The following IQGAP2 variants were observed in gnomAD, a reference collection of about 807,000 sequenced individuals.
IQGAP2 encodes IQ motif containing GTPase activating protein 2.
Under a neutral mutation model 201.3 loss-of-function variants are expected in IQGAP2, and 173 were observed. That is an observed-to-expected ratio of 0.86 (90% confidence interval 0.76 to 0.98). The LOEUF is 0.98. Ranked by LOEUF, IQGAP2 falls within the 50% of genes least tolerant of loss-of-function variation. The probability of loss-of-function intolerance (pLI) is 0.00; values close to 1 mark genes in which losing one functional copy is unlikely to be tolerated. For missense variants in IQGAP2, 1,687 were observed against 1,864.8 expected, an observed-to-expected ratio of 0.90 and a Z score of 1.76; for synonymous variants, 675 against 673.9, an observed-to-expected ratio of 1.00 and a Z score of -0.03.
chr5:76,656,778 A>G (rs1742775118), intron 20 of IQGAP2, among the ~76,000 whole-genome samples: 1 of 152,038 alleles, frequency 6.6e-6, no homozygotes, highest in African/African-American at 2.4e-5. Context: ...AGTGAGTTAG[A>G]TCTAAGCTTC....
At chr5:76,624,070 A>T (rs1381277294) in intron 13 of IQGAP2, among the ~76,000 whole-genome samples, 5 of 151,212 alleles carry the variant, frequency 3.3e-5, no homozygotes, top group African/African-American at 4.9e-5. Context: ...GAAAATGAGG[A>T]CTCCCTTTAT....
chr5:76,677,188 C>A, intron 27 of IQGAP2, 30 bp from the exon 28 acceptor site: 1 of 1,597,656 alleles, frequency 6.3e-7, no homozygotes, highest in Non-Finnish European at 8.5e-7. Flanking sequence ...ATGTTTGAGT[C>A]TGTCTTAAGA....
chr5:76,550,457 T>C (rs892337408), intron 2 of IQGAP2, among the ~76,000 whole-genome samples: 1 of 151,152 alleles, frequency 6.6e-6, no homozygotes, highest in African/African-American at 2.4e-5. Flanking sequence ...CAGATAAACA[T>C]GTGAACAAGG....
At chr5:76,426,441 G>A (rs970809309) in intron 1 of IQGAP2, among the ~76,000 whole-genome samples, 4 of 152,188 alleles carry the variant, frequency 2.6e-5, no homozygotes, top group Admixed American at 2.0e-4. Flanking sequence ...GGAGCAGAAG[G>A]GAAACCAAAC....
In IQGAP2 at chr5:76,589,569, T is replaced by C; in HGVS notation, c.527-46T>C. 5.5e-6 allele frequency: 6 copies of C among 1,083,446 alleles called. No homozygotes were observed. The South Asian group carries it at 8.9e-5, about 16-fold the overall frequency. 67.1% of individuals were successfully genotyped at this position (1,083,446 alleles called of 1,614,324 possible). A position where few individuals can be genotyped will look rare whatever the true frequency, so the allele number is the denominator to read the frequency against. On this transcript the variant is annotated intron_variant, in intron 6 of 35. Coordinates refer to ENST00000274364, the MANE Select transcript of IQGAP2 (RefSeq NM_006633.5). ...ACTCATTCCTGCATCCATCTCTGTCTGTAGCTTTCTCTGATAATGATTATG... is the reference window on the plus strand; with the variant it reads ...ACTCATTCCTGCATCCATCTCTGTCCGTAGCTTTCTCTGATAATGATTATG...
intron 21 of IQGAP2, among the ~76,000 whole-genome samples, chr5:76,664,497 A>T (rs1743555402): frequency 6.6e-6 from 1 of 152,222 alleles, no homozygotes; most frequent in African/African-American, 2.4e-5. Context: ...AGCCTGGCCA[A>T]CATGGTGAAA....
intron 21 of IQGAP2, 24 bp from the exon 22 acceptor site, chr5:76,665,002 G>GCAT (rs1743622095): frequency 7.5e-7 from 1 of 1,341,814 alleles, no homozygotes; most frequent in Non-Finnish European, 1.1e-6. Flanking sequence ...TTAAAAAGGA[G>GCAT]TAATCTCATC....
intron 5 of IQGAP2, among the ~76,000 whole-genome samples, chr5:76,578,307 G>T (rs16873484): frequency 7.6e-6 from 1 of 131,230 alleles, no homozygotes; most frequent in African/African-American, 3.1e-5. Context: ...TCACCTTAGC[G>T]GTGGATGGCA....
intron 1 of IQGAP2, among the ~76,000 whole-genome samples, chr5:76,450,101 A>G (rs954364207): frequency 2.0e-5 from 3 of 152,216 alleles, no homozygotes; most frequent in African/African-American, 4.8e-5. Flanking sequence ...AAAGCACACA[A>G]CAAGCCAAAA....
chr5:76,655,148 G>A, intron 20 of IQGAP2, 145 bp downstream of exon 20: 1 of 593,128 alleles, frequency 1.7e-6, no homozygotes. Flanking sequence ...TCAGGCCCCA[G>A]GTTCTAAACC....
chr5:76,654,481 G>A (rs559220499), intron 19 of IQGAP2, among the ~76,000 whole-genome samples: 3 of 152,318 alleles, frequency 2.0e-5, no homozygotes, highest in South Asian at 2.1e-4. Flanking sequence ...GTCAGGACTC[G>A]ATAGAAAATG....
At chr5:76,434,040 T>TACTGC (rs1157915441) in intron 1 of IQGAP2, among the ~76,000 whole-genome samples, 3 of 152,200 alleles carry the variant, frequency 2.0e-5, no homozygotes, top group Non-Finnish European at 1.5e-5. Context: ...GCCATCAGAT[T>TACTGC]CATATTATAA....
At chr5:76,577,156 T>C (rs941404740) in intron 5 of IQGAP2, among the ~76,000 whole-genome samples, 2 of 152,214 alleles carry the variant, frequency 1.3e-5, no homozygotes, top group African/African-American at 4.8e-5. Context: ...TAAGTTTCAA[T>C]TGATTTTCTG....
Position 76,652,764 on chromosome 5 carries a change from A to G in IQGAP2, c.2109A>G (p.Gly703=). 6.2e-7 allele frequency: 1 copy of G among 1,610,314 alleles called. No individual in the cohort carries two copies. Among genetic ancestry groups the G allele is most frequent in the Non-Finnish European group, 8.5e-7 (1 of 1,176,478 alleles). ...NVVKIQAFWK[G]YKQRKEYMHR... Reference sequence around the variant, plus strand: ...CTTTTCCTTAGGCTTTTTGGAAAGGATATAAACAACGGAAGGAGTATATGC... The same window carrying G: ...CTTTTCCTTAGGCTTTTTGGAAAGGGTATAAACAACGGAAGGAGTATATGC... The change falls in exon 18 of 36, where the codon GGA becomes GGG. Residue 703 remains glycine (G), a synonymous_variant. Coordinates refer to ENST00000274364, the MANE Select transcript of IQGAP2 (RefSeq NM_006633.5).
At chr5:76,409,772 T>TG (rs34085019) in intron 1 of IQGAP2, among the ~76,000 whole-genome samples, 67,204 of 152,018 alleles carry the variant, frequency 0.44, 15,468 homozygotes, top group Non-Finnish European at 0.5. Context: ...AATAGAAACT[T>TG]TAGTAGTGAA....
At chr5:76,537,717 T>C (rs968449379) in intron 2 of IQGAP2, among the ~76,000 whole-genome samples, 1 of 152,194 alleles carries the variant, frequency 6.6e-6, no homozygotes, top group Non-Finnish European at 1.5e-5. Flanking sequence ...AAAATCACTA[T>C]GGGTGTTTGC....
intron 2 of IQGAP2, among the ~76,000 whole-genome samples, chr5:76,467,118 G>A (rs1561393590): frequency 6.6e-6 from 1 of 152,144 alleles, no homozygotes; most frequent in African/African-American, 2.4e-5. Context: ...TGGATGTGGT[G>A]GCACATGCCT....
intron 13 of IQGAP2, among the ~76,000 whole-genome samples, chr5:76,621,264 G>A (rs150178893): frequency 2.2e-4 from 34 of 152,254 alleles, no homozygotes; most frequent in African/African-American, 3.8e-4. Context: ...CTGAATTCAC[G>A]GTGTAAAATA....
intron 8 of IQGAP2, 107 bp downstream of exon 8, chr5:76,590,693 C>A: frequency 1.2e-6 from 1 of 814,628 alleles, no homozygotes; most frequent in Non-Finnish European, 1.9e-6. Context: ...TGGCTATTTT[C>A]TCTATAGCCG....
Sources: gnomAD v4.1 joint callset for allele counts (sites outside exome capture counted in the v4.1 genomes callset) on GRCh38, gnomAD v4.1.1 for gene constraint, MANE v1.5 for transcripts, NCBI Gene and HGNC (gene_info 2026-07-23, HGNC 2026-07-21) for gene names.